Variants in PRSS23 observed in about 807,000 individuals in gnomAD.
PRSS23 encodes the protein serine protease 23, also known as protease, serine 23.
In PRSS23, 25 loss-of-function variants were observed where a neutral mutation model predicts 34.7. The observed-to-expected ratio is 0.72, with a 90% CI of 0.53 to 1.01. PRSS23 has a LOEUF of 1.01. Among genes scored for constraint, PRSS23 ranks in the 50% least tolerant of loss-of-function variants. The pLI is 0.00. For missense variants in PRSS23, 445 were observed against 475.6 expected, an observed-to-expected ratio of 0.94 and a Z score of 0.60; for synonymous variants, 176 against 186.6, an observed-to-expected ratio of 0.94 and a Z score of 0.46.
intron 2 of PRSS23, among the ~76,000 whole-genome samples, chr11:86,879,607 C>T (rs1326075780): frequency 3.0e-4 from 42 of 140,420 alleles, no homozygotes; most frequent in South Asian, 7.4e-4. Context: ...GCGCCTCTGC[C>T]CGGCCGCCCC....
chr11:86,882,850 C>T (rs1190994920), intron 2 of PRSS23, among the ~76,000 whole-genome samples: 2 of 152,214 alleles, frequency 1.3e-5, no homozygotes, highest in African/African-American at 4.8e-5. Context: ...TTCTCCACAA[C>T]CTCATCAGCA....
intron 2 of PRSS23, among the ~76,000 whole-genome samples, chr11:86,864,290 G>C (rs184999689): frequency 4.6e-5 from 7 of 152,320 alleles, no homozygotes; most frequent in Admixed American, 6.5e-5. Context: ...AGAAAGGCAG[G>C]GGGTAGTCGA....
At chr11:86,859,821 C>T (rs1448848679) in intron 2 of PRSS23, among the ~76,000 whole-genome samples, 1 of 151,888 alleles carries the variant, frequency 6.6e-6, no homozygotes, top group Non-Finnish European at 1.5e-5. Context: ...TGTTATGACT[C>T]CCAATATTGC....
At chr11:86,868,294 A>G (rs1948663783) in intron 2 of PRSS23, among the ~76,000 whole-genome samples, 1 of 152,196 alleles carries the variant, frequency 6.6e-6, no homozygotes, top group Non-Finnish European at 1.5e-5. Context: ...TGAGTGAGAA[A>G]GAGAAAACTG....
intron 2 of PRSS23, among the ~76,000 whole-genome samples, chr11:86,845,356 C>T (rs1294407313): frequency 6.6e-6 from 1 of 152,214 alleles, no homozygotes; most frequent in Non-Finnish European, 1.5e-5. Flanking sequence ...TCAGGGGATA[C>T]TTCAGTTGAA....
rs1211495162 is a variant in PRSS23, at chr11:86,809,675, T to TA, written c.*885dup. On this transcript the variant is annotated 3_prime_UTR_variant, in exon 2 of 2. Transcript: ENST00000280258. ...TCCCAGCAAACAGTTGTGGCCACAC[T>TA]AAAAACAATCATAGCATTTTACCCC... 1.2e-5 allele frequency: 2 copies of TA among 167,040 alleles called. No homozygotes were observed. Among genetic ancestry groups the TA allele is most frequent in the Admixed American group, 1.3e-4 (2 of 15,284 alleles). 10.3% of individuals were successfully genotyped at this position (167,040 alleles called of 1,614,324 possible).
chr11:86,821,589 C>A (rs1948252272), intron 1 of PRSS23: 1 of 1,607,776 alleles, frequency 6.2e-7, no homozygotes. Flanking sequence ...CCGTTTAGCT[C>A]AAGACAGAAT....
intron 2 of PRSS23, chr11:86,909,135 G>C (rs1948961942): frequency 6.6e-6 from 1 of 152,166 alleles, no homozygotes. Flanking sequence ...TGAGGCTACA[G>C]CTAAATTCAG....
chr11:86,800,360 C>T, upstream of PRSS23: 3 of 818,292 alleles, frequency 3.7e-6, no homozygotes, highest in Non-Finnish European at 4.4e-6. Context: ...GCCTCAGGCC[C>T]TCTGGGCTGC....
intron 2 of PRSS23, among the ~76,000 whole-genome samples, chr11:86,833,811 C>A (rs971624170): frequency 7.2e-5 from 11 of 152,228 alleles, no homozygotes; most frequent in South Asian, 2.1e-4. Context: ...GTCTCTCAGT[C>A]CCCCCTCTCA....
At chr11:86,946,347 G>A (rs1949242442) in intron 2 of PRSS23, 1 of 152,158 alleles carries the variant, frequency 6.6e-6, no homozygotes, top group African/African-American at 2.4e-5. Flanking sequence ...AGGAGAGCAA[G>A]GAGGTTTAAA....
chr11:86,887,824 G>T (rs1052095397), intron 2 of PRSS23, among the ~76,000 whole-genome samples: 1 of 152,094 alleles, frequency 6.6e-6, no homozygotes, highest in African/African-American at 2.4e-5. Context: ...GGCCGAGGTG[G>T]GCAGATCACC....
At chr11:86,848,390 C>A (rs963669409) in intron 2 of PRSS23, among the ~76,000 whole-genome samples, 3 of 152,178 alleles carry the variant, frequency 2.0e-5, no homozygotes, top group African/African-American at 7.2e-5. Context: ...AACAGGCAGT[C>A]CCCACTGTAA....
upstream of PRSS23, among the ~76,000 whole-genome samples, chr11:86,797,213 G>A (rs963229189): frequency 1.3e-5 from 2 of 152,324 alleles, no homozygotes; most frequent in Middle Eastern, 3.4e-3. Context: ...TGAGGATTTC[G>A]GTTTTGGTTC....
intron 1 of PRSS23, among the ~76,000 whole-genome samples, chr11:86,819,925 C>T (rs1213496583): frequency 6.6e-6 from 1 of 152,146 alleles, no homozygotes; most frequent in Non-Finnish European, 1.5e-5. Flanking sequence ...AATAAGACCT[C>T]CAGTGCTTTA....
intron 1 of PRSS23, among the ~76,000 whole-genome samples, chr11:86,823,004 C>G (rs756448083): frequency 3.9e-5 from 6 of 152,130 alleles, no homozygotes; most frequent in Non-Finnish European, 5.9e-5. Context: ...TGAACTGGAG[C>G]CACAGATTCC....
intron 1 of PRSS23, among the ~76,000 whole-genome samples, chr11:86,822,375 C>T (rs765035050): frequency 6.6e-6 from 1 of 152,088 alleles, no homozygotes; most frequent in Non-Finnish European, 1.5e-5. Flanking sequence ...AATACCAACA[C>T]TTTGGGAGGC....
intron 2 of PRSS23, among the ~76,000 whole-genome samples, chr11:86,846,203 T>C (rs571361775): frequency 6.6e-5 from 10 of 152,142 alleles, no homozygotes; most frequent in Non-Finnish European, 1.3e-4. Context: ...ACCAATTCTT[T>C]GGTGTGGCTA....
At chr11:86,895,944 T>C (rs1027595380) in intron 2 of PRSS23, among the ~76,000 whole-genome samples, 1 of 152,228 alleles carries the variant, frequency 6.6e-6, no homozygotes, top group African/African-American at 2.4e-5. Flanking sequence ...TCAGGAAGTA[T>C]ATAATTTGTA....
Sources: gnomAD v4.1 joint callset for allele counts (sites outside exome capture counted in the v4.1 genomes callset) on GRCh38, gnomAD v4.1.1 for gene constraint, MANE v1.5 for transcripts, NCBI Gene and HGNC (gene_info 2026-07-23, HGNC 2026-07-21) for gene names.